The following FANCB variants were observed in gnomAD, a reference collection of about 807,000 sequenced individuals.
FANCB encodes FA complementation group B.
In FANCB, 5 loss-of-function variants were observed where a neutral mutation model predicts 38.9. The ratio of observed to expected loss-of-function variants is 0.13; its 90% CI spans 0.07 to 0.27. The LOEUF (loss-of-function observed/expected upper bound fraction) is 0.27. Ranked by LOEUF, FANCB falls within the 10% of genes least tolerant of loss-of-function variation. FANCB has a pLI of 1.00. For missense variants in FANCB, 573 were observed against 602.7 expected (o/e 0.95, Z 0.52); for synonymous variants, 236 against 215.4 (o/e 1.10, Z -0.84).
At chrX:14,771,006 T>C in the FANCB span, among the ~76,000 whole-genome samples, 3 of 111,951 alleles carry the variant, frequency 2.7e-5, no homozygotes, top group South Asian at 1.1e-3. Flanking sequence ...AGGTCCGCTG[T>C]TAGTCTGATG....
At chrX:14,699,835 G>A in the FANCB span, among the ~76,000 whole-genome samples, 1 of 111,705 alleles carries the variant, frequency 9.0e-6, no homozygotes, top group African/African-American at 3.3e-5. Flanking sequence ...GCAGGGACAT[G>A]GATGGAGCTG....
the FANCB span, among the ~76,000 whole-genome samples, chrX:14,742,986 G>A: frequency 8.8e-6 from 1 of 113,008 alleles, no homozygotes. Context: ...AGGGATGGCG[G>A]CCTTGGGCCA....
chrX:14,774,231 A>G, the FANCB span, among the ~76,000 whole-genome samples: 1 of 111,990 alleles, frequency 8.9e-6, no homozygotes, highest in African/African-American at 3.3e-5. Context: ...AAAATATACA[A>G]GAATAGCTAG....
At chrX:14,783,469 C>A in the FANCB span, among the ~76,000 whole-genome samples, 1 of 112,240 alleles carries the variant, frequency 8.9e-6, no homozygotes, top group Non-Finnish European at 1.9e-5. Context: ...TACTTCCTGG[C>A]CTGATTATGC....
At chrX:14,851,519 A>T (rs980630712) in intron 6 of FANCB, among the ~76,000 whole-genome samples, 4 of 111,563 alleles carry the variant, frequency 3.6e-5, no homozygotes, top group Non-Finnish European at 5.6e-5. Context: ...GCATTCACTC[A>T]ATAGGAGACT....
chrX:14,849,408 T>C (rs1435182963), intron 7 of FANCB, among the ~76,000 whole-genome samples: 2 of 111,848 alleles, frequency 1.8e-5, no homozygotes, highest in Non-Finnish European at 3.8e-5. Flanking sequence ...CTGGCTCCCT[T>C]ACTGTGTTAA....
chrX:14,851,183 TAATAAG>T (rs756235774), intron 6 of FANCB, among the ~76,000 whole-genome samples: 5 of 112,091 alleles, frequency 4.5e-5, no homozygotes, highest in East Asian at 5.6e-4. Context: ...GAAAGAGTAG[TAATAAG>T]AATAATAGTA....
Position 14,843,862 on chromosome X carries a change from G to A in FANCB, c.2285C>T (p.Thr762Ile). 8 of 1,208,543 alleles carry A rather than the reference G, an allele frequency of 6.6e-6. No individual in the cohort carries two copies. Among genetic ancestry groups the A allele is most frequent in the Non-Finnish European group, 9.0e-6 (8 of 893,830 alleles). ...ENFLIDNMAF[T>I]LEKELVTLSS... Reference sequence around the variant, plus strand: ...AAGGGTGACTAGTTCCTTCTCCAAAGTAAATGCCATATTATCAATTAGGAA... The same window carrying A: ...AAGGGTGACTAGTTCCTTCTCCAAAATAAATGCCATATTATCAATTAGGAA... Residue 762 changes from threonine (T) to isoleucine (I), a missense_variant, in exon 10 of 10, where the codon ACT becomes ATT. Physicochemically the swap from Thr to Ile is moderately conservative, Grantham distance 89. Transcript: ENST00000650831.
chrX:14,789,829 A>G, the FANCB span, among the ~76,000 whole-genome samples: 2 of 112,082 alleles, frequency 1.8e-5, no homozygotes, highest in Non-Finnish European at 3.8e-5. Flanking sequence ...TAGTCTGGTG[A>G]TACTGGAATA....
At chrX:14,780,588 CA>C in the FANCB span, among the ~76,000 whole-genome samples, 1 of 110,612 alleles carries the variant, frequency 9.0e-6, no homozygotes, top group Non-Finnish European at 1.9e-5. Flanking sequence ...TTGCCTAGAT[CA>C]GGGGCCAGCA....
the FANCB span, among the ~76,000 whole-genome samples, chrX:14,807,780 GGTT>G: frequency 9.0e-6 from 1 of 111,055 alleles, no homozygotes. Context: ...TCAAAAAGTT[GGTT>G]TTTTGAAAAG....
At chrX:14,784,805 C>T in the FANCB span, among the ~76,000 whole-genome samples, 1 of 111,645 alleles carries the variant, frequency 9.0e-6, no homozygotes, top group Non-Finnish European at 1.9e-5. Context: ...AAATGTGGTA[C>T]ATATATACCA....
rs1254494594 is a variant in FANCB, at chrX:14,865,170, C to T, written c.341G>A (p.Ser114Asn). Residue 114 changes from serine to asparagine, a missense_variant, in exon 3 of 10, where the codon AGT becomes AAT. Coordinates refer to ENST00000650831, the MANE Select transcript of FANCB (RefSeq NM_001018113.3). ...VFEYFLLILH[S>N]TNKFEMRLSF... ...CAAACGCATTTCAAATTTATTAGTACTGTGAAGGATTAGTAAAAAATATTC... is the reference window on the plus strand; with the variant it reads ...CAAACGCATTTCAAATTTATTAGTATTGTGAAGGATTAGTAAAAAATATTC... The T allele has an allele frequency of 2.5e-6, 3 of 1,178,646 alleles. No homozygotes were observed. In the Admixed American group the frequency reaches 7.5e-5, roughly 29 times the overall value.
chrX:14,784,179 C>T, the FANCB span, among the ~76,000 whole-genome samples: 3 of 112,386 alleles, frequency 2.7e-5, no homozygotes, highest in African/African-American at 9.7e-5. Context: ...CATTGCCCTC[C>T]AGCCTGGGCA....
chrX:14,763,663 T>C, the FANCB span, among the ~76,000 whole-genome samples: 1 of 111,453 alleles, frequency 9.0e-6, no homozygotes, highest in South Asian at 3.7e-4. Flanking sequence ...CATATCACGA[T>C]TGTTTACACT....
intron 1 of FANCB, chrX:14,869,291 T>G (rs1007603186): frequency 2.7e-5 from 3 of 112,083 alleles, no homozygotes; most frequent in African/African-American, 9.7e-5. Flanking sequence ...ATGTTAAATA[T>G]CACAACTAAT....
At chrX:14,700,957 T>C in the FANCB span, among the ~76,000 whole-genome samples, 1 of 110,129 alleles carries the variant, frequency 9.1e-6, no homozygotes, top group Non-Finnish European at 1.9e-5. Flanking sequence ...GTAGAAGGTA[T>C]TCCTTCTGAT....
chrX:14,819,849 C>T, the FANCB span, among the ~76,000 whole-genome samples: 2 of 111,378 alleles, frequency 1.8e-5, no homozygotes, highest in Non-Finnish European at 3.8e-5. Flanking sequence ...ATCTTTTACC[C>T]GGATTGTTGC....
chrX:14,702,979 TG>T, the FANCB span, among the ~76,000 whole-genome samples: 15 of 110,877 alleles, frequency 1.4e-4, no homozygotes, highest in Admixed American at 1.2e-3. Flanking sequence ...AGCTGCACAG[TG>T]GGGGAGCCTC....
Sources: allele counts gnomAD v4.1 joint callset (sites outside exome capture counted in the v4.1 genomes callset), GRCh38; gene constraint gnomAD v4.1.1; transcripts MANE v1.5; gene names NCBI Gene and HGNC (gene_info 2026-07-23, HGNC 2026-07-21).